The following TMEFF2 variants were observed in gnomAD, a reference collection of about 807,000 sequenced individuals.
TMEFF2 encodes tomoregulin-2.
A neutral mutation model predicts 53.8 loss-of-function variants in TMEFF2; 28 were observed. That is an observed-to-expected ratio of 0.52 (90% CI 0.39 to 0.71). The LOEUF (loss-of-function observed/expected upper bound fraction) is 0.71. Among genes scored for constraint, TMEFF2 ranks in the 30% least tolerant of loss-of-function variants. The probability of loss-of-function intolerance (pLI) is 0.00; values close to 1 mark genes in which losing one functional copy is unlikely to be tolerated. For missense variants in TMEFF2, 353 were observed against 455.2 expected, an observed-to-expected ratio of 0.78 and a Z score of 2.04; for synonymous variants, 162 against 166.3, an observed-to-expected ratio of 0.97 and a Z score of 0.20.
chr2:192,150,974 T>C, intron 4 of TMEFF2, among the ~76,000 whole-genome samples: 1 of 151,858 alleles, frequency 6.6e-6, no homozygotes, highest in Non-Finnish European at 1.5e-5. Flanking sequence ...TTGTAATCCC[T>C]ATAATCCCCA....
At chr2:192,025,354 CA>C (rs1316116394) in intron 5 of TMEFF2, among the ~76,000 whole-genome samples, 5 of 145,746 alleles carry the variant, frequency 3.4e-5, no homozygotes, top group African/African-American at 1.3e-4. Context: ...TTATCTGAGG[CA>C]AAAATTCAGC....
intron 4 of TMEFF2, among the ~76,000 whole-genome samples, chr2:192,082,691 G>T (rs1688580341): frequency 6.6e-6 from 1 of 152,088 alleles, no homozygotes; most frequent in Non-Finnish European, 1.5e-5. Context: ...GGATTCTATA[G>T]AGAAATGACA....
chr2:192,169,725 T>A (rs1239546422), intron 4 of TMEFF2, among the ~76,000 whole-genome samples: 2 of 152,190 alleles, frequency 1.3e-5, no homozygotes. Flanking sequence ...TCTGAAGATA[T>A]AGATCTGAGA....
intron 3 of TMEFF2, 64 bp from the exon 4 acceptor site, chr2:192,179,758 C>T (rs1350566441): frequency 2.8e-6 from 4 of 1,439,062 alleles, no homozygotes; most frequent in Non-Finnish European, 3.7e-6. Context: ...ACTTTTTAAG[C>T]TCAAGTTTAT....
chr2:192,114,670 T>C (rs916669482), intron 4 of TMEFF2, among the ~76,000 whole-genome samples: 1 of 151,926 alleles, frequency 6.6e-6, no homozygotes, highest in Non-Finnish European at 1.5e-5. Context: ...AAGAAAACAA[T>C]TCTGTTTACA....
chr2:192,023,734 T>C (rs1005662026), intron 5 of TMEFF2, among the ~76,000 whole-genome samples: 14 of 152,166 alleles, frequency 9.2e-5, no homozygotes, highest in African/African-American at 3.4e-4. Context: ...GAAAATTTCA[T>C]TAGGTCTGCT....
intron 7 of TMEFF2, among the ~76,000 whole-genome samples, chr2:191,979,507 C>A (rs1200582340): frequency 6.9e-6 from 1 of 144,810 alleles, no homozygotes; most frequent in South Asian, 2.3e-4. Context: ...TATTAGTTTA[C>A]TTTACTTTGA....
intron 7 of TMEFF2, among the ~76,000 whole-genome samples, chr2:191,976,868 G>T (rs568839871): frequency 1.5e-4 from 23 of 152,298 alleles, no homozygotes; most frequent in African/African-American, 5.3e-4. Flanking sequence ...GAATGTCTTG[G>T]TTCAAATCCT....
intron 5 of TMEFF2, 137 bp downstream of exon 5, chr2:192,057,542 A>ATTT: frequency 2.9e-6 from 2 of 696,462 alleles, no homozygotes; most frequent in South Asian, 2.0e-5. Context: ...CCTTGCCCTC[A>ATTT]TTTTTTTTTT....
chr2:191,959,630 G>GTGTT (rs386392163), intron 7 of TMEFF2, among the ~76,000 whole-genome samples: 1 of 151,840 alleles, frequency 6.6e-6, no homozygotes, highest in Non-Finnish European at 1.5e-5. Context: ...GTACATGTGT[G>GTGTT]TGTATGTGTT....
intron 3 of TMEFF2, among the ~76,000 whole-genome samples, chr2:192,180,186 A>G (rs1013264926): frequency 2.0e-5 from 3 of 151,670 alleles, no homozygotes; most frequent in African/African-American, 7.2e-5. Context: ...TTTTACGAAT[A>G]CCACAATTGT....
chr2:192,045,814 A>G (rs1439540111), intron 5 of TMEFF2, among the ~76,000 whole-genome samples: 7 of 152,174 alleles, frequency 4.6e-5, no homozygotes, highest in African/African-American at 1.7e-4. Flanking sequence ...TGCTTCCATC[A>G]TGGAAGAGAC....
intron 5 of TMEFF2, among the ~76,000 whole-genome samples, chr2:192,034,091 C>T (rs1468676440): frequency 6.7e-6 from 1 of 148,348 alleles, no homozygotes; most frequent in Non-Finnish European, 1.5e-5. Flanking sequence ...AGGAGAATGG[C>T]GTGAACCCGG....
chr2:191,952,294 A>T (rs1293162005), intron 9 of TMEFF2, among the ~76,000 whole-genome samples: 1 of 152,226 alleles, frequency 6.6e-6, no homozygotes, highest in Non-Finnish European at 1.5e-5. Context: ...TGCAACTGTG[A>T]TTCATAACAG....
At chr2:191,960,386 G>C (rs1259149829) in intron 7 of TMEFF2, among the ~76,000 whole-genome samples, 1 of 152,192 alleles carries the variant, frequency 6.6e-6, no homozygotes, top group African/African-American at 2.4e-5. Flanking sequence ...AAAACAACAT[G>C]AATATCTTAC....
intron 2 of TMEFF2, among the ~76,000 whole-genome samples, chr2:192,185,768 C>G (rs1164623349): frequency 6.6e-6 from 1 of 152,032 alleles, no homozygotes; most frequent in Non-Finnish European, 1.5e-5. Flanking sequence ...AACTATTTAA[C>G]TCTTGCTCTT....
In TMEFF2 at chr2:192,075,306, T is replaced by TATATAAATATATATATATATAAATATAA. The variant is rs1574350023; in HGVS notation, c.440-17532_440-17531insTTATATTTATATATATATATATTTATAT. The stretch of plus-strand genomic sequence containing the variant: ...ACTATTATATATATATATATATATA[T>TATATAAATATATATATATATAAATATAA]ATATATATATATATATATATATATA... On this transcript the variant is annotated intron_variant, in intron 4 of 9. Transcript: ENST00000272771. Among the ~76,000 whole-genome samples the TATATAAATATATATATATATAAATATAA allele has an allele frequency of 1.2e-3, 71 of 57,738 alleles. 1 individual carries two copies. Among genetic ancestry groups the TATATAAATATATATATATATAAATATAA allele is most frequent in the Admixed American group, 2.5e-3 (14 of 5,680 alleles). 37.9% of individuals were successfully genotyped at this position (57,738 alleles called of 152,430 possible).
At chr2:192,064,293 T>A (rs1269700839) in intron 4 of TMEFF2, among the ~76,000 whole-genome samples, 3 of 151,806 alleles carry the variant, frequency 2.0e-5, no homozygotes, top group Non-Finnish European at 4.4e-5. Flanking sequence ...GACAATATAT[T>A]TCTAATTATC....
chr2:192,080,226 G>A lies in TMEFF2; in HGVS notation c.440-22451C>T, dbSNP rs74381715. 2.0e-3 allele frequency among the ~76,000 whole-genome samples: 302 copies of A among 152,290 alleles called. 6 individuals carry two copies. The East Asian group carries it at 0.046, about 23-fold the overall frequency. On this transcript the variant is annotated intron_variant, in intron 4 of 9. Coordinates refer to ENST00000272771, the MANE Select transcript of TMEFF2 (RefSeq NM_016192.4). ...GCTTTGTGTCCCACTCAAAGTGCAT[G>A]TTAAATTGTAATCCCCATAATCCCC... is the stretch of plus-strand genomic sequence containing the variant.
Sources: allele counts gnomAD v4.1 joint callset (sites outside exome capture counted in the v4.1 genomes callset), GRCh38; gene constraint gnomAD v4.1.1; transcripts MANE v1.5; gene names NCBI Gene and HGNC (gene_info 2026-07-23, HGNC 2026-07-21).